TMEM132C: variants seen among roughly 807,000 people sequenced by gnomAD.
The protein encoded by TMEM132C is protein phosphatase 1, regulatory subunit 152.
TMEM132C carries 29 observed loss-of-function variants against 61.4 expected under a neutral mutation model. The ratio of observed to expected loss-of-function variants is 0.47; its 90% confidence interval spans 0.35 to 0.64. TMEM132C has a LOEUF of 0.64. Ranked by LOEUF, TMEM132C falls within the 30% of genes least tolerant of loss-of-function variation. The pLI is 0.00. For synonymous variants in TMEM132C, 656 were observed against 633.1 expected (o/e 1.04, Z -0.54); for missense variants, 1,408 against 1,476.9 (o/e 0.95, Z 0.76).
chr12:128,681,654 CTTT>C (rs5801810), intron 5 of TMEM132C, among the ~76,000 whole-genome samples: 17 of 131,588 alleles, frequency 1.3e-4, no homozygotes, highest in Admixed American at 1.5e-4. Flanking sequence ...CAGACTGTAT[CTTT>C]TTTTTTTTTT....
At chr12:128,548,248 A>G (rs1874032659) in intron 3 of TMEM132C, among the ~76,000 whole-genome samples, 1 of 152,228 alleles carries the variant, frequency 6.6e-6, no homozygotes, top group African/African-American at 2.4e-5. Context: ...TCCACGTGCC[A>G]TTCTCATTAC....
chr12:128,400,542 C>A (rs2136009363), intron 1 of TMEM132C, among the ~76,000 whole-genome samples: 1 of 151,930 alleles, frequency 6.6e-6, no homozygotes, highest in Admixed American at 6.5e-5. Context: ...GAACAGCATC[C>A]CTGGCCTCTG....
intron 4 of TMEM132C, among the ~76,000 whole-genome samples, chr12:128,666,218 C>A (rs1308928862): frequency 6.7e-6 from 1 of 150,066 alleles, no homozygotes; most frequent in African/African-American, 2.5e-5. Context: ...AACAGGCACC[C>A]ACACACACAG....
rs975656982 is a variant in TMEM132C at position 128,706,299 on chromosome 12, C to G, written c.*4C>G. ...GAAACTCAAAGATAAGGCTTAGGCCCCTCTAGCCAAAGGGCCCTGCCCAGA... is the reference window on the plus strand; with the variant it reads ...GAAACTCAAAGATAAGGCTTAGGCCGCTCTAGCCAAAGGGCCCTGCCCAGA... On this transcript the variant is annotated 3_prime_UTR_variant, in exon 9 of 9. Coordinates refer to ENST00000435159, the MANE Select transcript of TMEM132C (RefSeq NM_001136103.3). 3 of 1,513,908 alleles carry G rather than the reference C, an allele frequency of 2.0e-6. No individual in the cohort carries two copies. Among genetic ancestry groups the G allele is most frequent in the Non-Finnish European group, 2.7e-6 (3 of 1,128,008 alleles). The allele number at this position is 1,513,908 out of a possible 1,614,324, so 93.8% of individuals were successfully genotyped here. A position where few individuals can be genotyped will look rare whatever the true frequency, so the allele number is the denominator to read the frequency against.
intron 2 of TMEM132C, among the ~76,000 whole-genome samples, chr12:128,540,973 C>T (rs1354708851): frequency 7.2e-6 from 1 of 139,252 alleles, no homozygotes. Flanking sequence ...CTTTCTGTCT[C>T]TATCTCTCTG....
intron 3 of TMEM132C, among the ~76,000 whole-genome samples, chr12:128,556,273 AC>A (rs1376603498): frequency 1.3e-5 from 2 of 152,190 alleles, no homozygotes; most frequent in African/African-American, 2.4e-5. Flanking sequence ...TCCCATCAAG[AC>A]TACCTACCAT....
At chr12:128,563,980 C>T (rs1874612821) in intron 3 of TMEM132C, among the ~76,000 whole-genome samples, 1 of 152,144 alleles carries the variant, frequency 6.6e-6, no homozygotes, top group Non-Finnish European at 1.5e-5. Context: ...GAACACTAGG[C>T]ATAAATGGCT....
chr12:128,705,606 G>A lies in TMEM132C; in HGVS notation c.2638G>A (p.Ala880Thr). Residue 880 changes from alanine (A) to threonine (T), a missense_variant, in exon 9 of 9, where the codon GCA (alanine) becomes ACA (threonine). Physicochemically the swap from Ala to Thr is moderately conservative, Grantham distance 58 (BLOSUM62 0). Coordinates refer to ENST00000435159, the MANE Select transcript of TMEM132C (RefSeq NM_001136103.3). ...KNSRADGGRL[A>T]GEGQLQNIPI... ...CAGTCGGGCAGACGGGGGCAGGCTG[G>A]CAGGAGAGGGGCAGCTGCAGAACAT... is the stretch of plus-strand genomic sequence containing the variant. 2 of 1,551,098 alleles carry A rather than the reference G, an allele frequency of 1.3e-6. No homozygotes were observed. The highest frequency in any genetic ancestry group is 1.7e-6 in the Non-Finnish European group (2 of 1,147,004).
At chr12:128,517,712 G>T (rs1051433359) in intron 2 of TMEM132C, among the ~76,000 whole-genome samples, 2 of 152,098 alleles carry the variant, frequency 1.3e-5, no homozygotes, top group African/African-American at 4.8e-5. Context: ...TGTAAACATT[G>T]CAGACGTTGT....
intron 3 of TMEM132C, among the ~76,000 whole-genome samples, chr12:128,589,122 C>T (rs573819057): frequency 3.2e-4 from 48 of 152,180 alleles, no homozygotes; most frequent in African/African-American, 1.1e-3. Context: ...GTTGTCATGT[C>T]GGTTCCCTAC....
At chr12:128,421,642 G>A (rs1352188264) in intron 2 of TMEM132C, among the ~76,000 whole-genome samples, 4 of 152,220 alleles carry the variant, frequency 2.6e-5, no homozygotes, top group Admixed American at 2.0e-4. Context: ...GATTTTGTTT[G>A]CAACTTCACA....
At chr12:128,602,027 C>A (rs548096256) in intron 3 of TMEM132C, among the ~76,000 whole-genome samples, 1 of 152,008 alleles carries the variant, frequency 6.6e-6, no homozygotes, top group South Asian at 2.1e-4. Context: ...AGCAATGTAC[C>A]GAGACCCTCT....
chr12:128,526,396 G>C (rs1407695780), intron 2 of TMEM132C, among the ~76,000 whole-genome samples: 1 of 152,148 alleles, frequency 6.6e-6, no homozygotes, highest in African/African-American at 2.4e-5. Context: ...AGTGGATGAG[G>C]CTCCCTTAGT....
intron 3 of TMEM132C, among the ~76,000 whole-genome samples, chr12:128,583,584 G>T (rs990474811): frequency 3.9e-5 from 6 of 152,204 alleles, no homozygotes; most frequent in Admixed American, 3.9e-4. Context: ...AGGCCCTGAT[G>T]CTGGGAACAG....
chr12:128,691,553 C>T (rs1249849050), intron 5 of TMEM132C, among the ~76,000 whole-genome samples: 3 of 152,340 alleles, frequency 2.0e-5, no homozygotes, highest in East Asian at 1.9e-4. Context: ...TCCATCCATC[C>T]GTGCATCCAC....
chr12:128,282,912 C>T (rs535960759), intron 1 of TMEM132C, among the ~76,000 whole-genome samples: 2 of 152,240 alleles, frequency 1.3e-5, no homozygotes, highest in South Asian at 2.1e-4. Flanking sequence ...TGTACTTTAT[C>T]GGGTTGCATG....
At chr12:128,360,008 A>C (rs1873647129) in intron 1 of TMEM132C, among the ~76,000 whole-genome samples, 1 of 152,170 alleles carries the variant, frequency 6.6e-6, no homozygotes, top group Non-Finnish European at 1.5e-5. Flanking sequence ...GTTAAATTGC[A>C]GGTAGAATGA....
intron 1 of TMEM132C, among the ~76,000 whole-genome samples, chr12:128,399,206 A>T (rs1352105022): frequency 6.6e-6 from 1 of 152,216 alleles, no homozygotes; most frequent in African/African-American, 2.4e-5. Context: ...CAAGTTTTTA[A>T]AAATTATCTG....
chr12:128,452,628 C>G (rs1870215251), intron 2 of TMEM132C, among the ~76,000 whole-genome samples: 1 of 151,244 alleles, frequency 6.6e-6, no homozygotes, highest in South Asian at 2.1e-4. Context: ...CGCTTGAACC[C>G]GGGAGGCAGA....
Sources: gnomAD v4.1 joint callset for allele counts (sites outside exome capture counted in the v4.1 genomes callset) on GRCh38, gnomAD v4.1.1 for gene constraint, MANE v1.5 for transcripts, NCBI Gene and HGNC (gene_info 2026-07-23, HGNC 2026-07-21) for gene names.